CABLES1: variants seen among roughly 807,000 people sequenced by gnomAD.
CABLES1 encodes the protein Cdk5 and Abl enzyme substrate 1, also known as CDK5 and ABL1 enzyme substrate 1.
CABLES1 carries 36 observed loss-of-function variants against 57.8 expected under a neutral mutation model. The observed-to-expected ratio is 0.62, with a 90% CI of 0.48 to 0.82. The LOEUF (loss-of-function observed/expected upper bound fraction) is 0.82, where lower values mean the gene tolerates loss of function less well. CABLES1 is among the 40% of genes least tolerant of loss of function. The probability of loss-of-function intolerance (pLI) is 0.00; values close to 1 mark genes in which losing one functional copy is unlikely to be tolerated. For synonymous variants in CABLES1, 374 were observed against 363.0 expected (o/e 1.03, Z -0.35); for missense variants, 767 against 836.6 (o/e 0.92, Z 1.03).
rs1436673827 is a variant in CABLES1, at chr18:23,135,529, C to G, written c.-234C>G. On this transcript the variant is annotated 5_prime_UTR_variant, in exon 1 of 10. Coordinates refer to ENST00000256925, the MANE Select transcript of CABLES1 (RefSeq NM_001100619.3). The stretch of plus-strand genomic sequence containing the variant: ...ACCGGCGGGCGGCCAGCCAGCGAGC[C>G]GAACTAGCCGAGCTAGGTAGCGAGG... The G allele has an allele frequency of 6.3e-6, 1 of 159,776 alleles. No individual in the cohort carries two copies. The highest frequency in any genetic ancestry group is 1.3e-5 in the Non-Finnish European group (1 of 75,240). 9.9% of individuals were successfully genotyped at this position (159,776 alleles called of 1,614,324 possible).
intron 3 of CABLES1, among the ~76,000 whole-genome samples, chr18:23,202,295 C>T (rs574101070): frequency 6.6e-6 from 1 of 152,328 alleles, no homozygotes; most frequent in African/African-American, 2.4e-5. Flanking sequence ...TAAAAGAGTT[C>T]ATTTGGATAT....
chr18:23,235,241 C>T (rs1274943115), intron 5 of CABLES1, among the ~76,000 whole-genome samples: 1 of 152,206 alleles, frequency 6.6e-6, no homozygotes, highest in Non-Finnish European at 1.5e-5. Flanking sequence ...CCTCATCAAC[C>T]CTTTCAAAAT....
chr18:23,159,342 G>T (rs1359993726), intron 1 of CABLES1, among the ~76,000 whole-genome samples: 1 of 152,230 alleles, frequency 6.6e-6, no homozygotes, highest in East Asian at 1.9e-4. Flanking sequence ...CAAAAAAATT[G>T]CAGCCCAGAG....
intron 4 of CABLES1, among the ~76,000 whole-genome samples, chr18:23,231,938 G>A (rs1273493364): frequency 6.6e-6 from 1 of 152,168 alleles, no homozygotes; most frequent in Middle Eastern, 3.2e-3. Context: ...CAGTGAGCCT[G>A]TGAGCAAATT....
intron 3 of CABLES1, chr18:23,197,267 C>T (rs1240250761): frequency 2.6e-5 from 4 of 152,212 alleles, no homozygotes; most frequent in Admixed American, 6.5e-5. Context: ...AACCTTGGGG[C>T]CTGAGACAGC....
At chr18:23,213,870 A>G in intron 3 of CABLES1, 107 bp from the exon 4 acceptor site, 2 of 706,984 alleles carry the variant, frequency 2.8e-6, no homozygotes, top group Admixed American at 2.6e-5. Context: ...GGAGCGTGCA[A>G]ATACTGCTAT....
At chr18:23,208,348 A>G (rs2047379413) in intron 3 of CABLES1, among the ~76,000 whole-genome samples, 1 of 152,172 alleles carries the variant, frequency 6.6e-6, no homozygotes, top group African/African-American at 2.4e-5. Context: ...GAGCATTTAA[A>G]TAGAGTAAAC....
chr18:23,180,147 T>C (rs1194281189), intron 1 of CABLES1, among the ~76,000 whole-genome samples: 5 of 152,138 alleles, frequency 3.3e-5, no homozygotes, highest in Admixed American at 3.3e-4. Context: ...GGTCTCGATC[T>C]CCTGACCTCG....
At chr18:23,200,937 G>C (rs372937287) in intron 3 of CABLES1, among the ~76,000 whole-genome samples, 2 of 152,318 alleles carry the variant, frequency 1.3e-5, no homozygotes, top group Middle Eastern at 6.8e-3. Flanking sequence ...TCCCGCCAGC[G>C]TTATCTCCTG....
intron 4 of CABLES1, among the ~76,000 whole-genome samples, chr18:23,217,047 C>G (rs960541836): frequency 3.3e-5 from 5 of 152,068 alleles, no homozygotes; most frequent in African/African-American, 1.2e-4. Context: ...ATGAGGAAAC[C>G]AAGGTGCACA....
In CABLES1 at chr18:23,256,554, C is replaced by T. The variant is rs146331592; in HGVS notation, c.1762-673C>T. On this transcript the variant is annotated intron_variant, in intron 9 of 9. Coordinates refer to ENST00000256925, the MANE Select transcript of CABLES1 (RefSeq NM_001100619.3). ...GGAGTTCGGTGGCACAATCTTGACT[C>T]ACTGCAACCTCCACCTCCCGGGTTC... is the stretch of plus-strand genomic sequence containing the variant. Among the ~76,000 whole-genome samples, 723 of 152,236 alleles carry T rather than the reference C, an allele frequency of 4.7e-3. 3 individuals carry two copies. Among genetic ancestry groups the T allele is most frequent in the African/African-American group, 0.017 (688 of 41,544 alleles).
intron 1 of CABLES1, among the ~76,000 whole-genome samples, chr18:23,142,142 G>A (rs149895018): frequency 5.3e-5 from 8 of 152,202 alleles, no homozygotes; most frequent in Non-Finnish European, 7.3e-5. Flanking sequence ...GCCTGGGGAC[G>A]TGTGGATAAT....
At chr18:23,239,096 A>C (rs1203214230) in intron 7 of CABLES1, among the ~76,000 whole-genome samples, 2 of 152,044 alleles carry the variant, frequency 1.3e-5, no homozygotes, top group African/African-American at 4.8e-5. Flanking sequence ...TTTTTTCTTT[A>C]AATGATTTCA....
chr18:23,219,379 C>T (rs968272390), intron 4 of CABLES1: 4 of 452,124 alleles, frequency 8.8e-6, no homozygotes, highest in Admixed American at 2.4e-5. Context: ...TGGCAGGATC[C>T]GATGTAGTGC....
At chr18:23,162,426 T>G (rs2047011891) in intron 1 of CABLES1, among the ~76,000 whole-genome samples, 1 of 152,216 alleles carries the variant, frequency 6.6e-6, no homozygotes, top group African/African-American at 2.4e-5. Flanking sequence ...AATCTGACAG[T>G]ACCTGACCGT....
At chr18:23,181,024 G>A (rs887723587) in intron 1 of CABLES1, among the ~76,000 whole-genome samples, 1 of 152,100 alleles carries the variant, frequency 6.6e-6, no homozygotes, top group Non-Finnish European at 1.5e-5. Context: ...TGACTAAGTC[G>A]GTAAAGGAGG....
chr18:23,155,823 C>CA, intron 1 of CABLES1: 1 of 1,607,022 alleles, frequency 6.2e-7, no homozygotes, highest in Non-Finnish European at 8.5e-7. Context: ...GCTTAGCCTC[C>CA]AGGCCATTTT....
intron 7 of CABLES1, among the ~76,000 whole-genome samples, chr18:23,246,321 G>A (rs146172418): frequency 3.3e-5 from 5 of 151,830 alleles, no homozygotes; most frequent in African/African-American, 7.2e-5. Flanking sequence ...AGAAGGAGTC[G>A]CTGCTTGTTT....
At chr18:23,232,655 TG>T (rs2047574604) in intron 4 of CABLES1, among the ~76,000 whole-genome samples, 1 of 152,160 alleles carries the variant, frequency 6.6e-6, no homozygotes, top group Non-Finnish European at 1.5e-5. Context: ...TGCATGACTT[TG>T]GTGTCGATTC....
Sources: gnomAD v4.1 joint callset for allele counts (sites outside exome capture counted in the v4.1 genomes callset) on GRCh38, gnomAD v4.1.1 for gene constraint, MANE v1.5 for transcripts, NCBI Gene and HGNC (gene_info 2026-07-23, HGNC 2026-07-21) for gene names.